The following CPPED1 variants were observed in gnomAD, a reference collection of about 807,000 sequenced individuals.
The protein encoded by CPPED1 is serine/threonine-protein phosphatase CPPED1.
A neutral mutation model predicts 28.0 loss-of-function variants in CPPED1; 28 were observed. That is an observed-to-expected ratio of 1.00 (90% CI 0.74 to 1.37). The LOEUF (loss-of-function observed/expected upper bound fraction) is 1.37. CPPED1 is among the 40% of genes most tolerant of loss of function. CPPED1 has a pLI of 0.00. For missense variants in CPPED1, 504 were observed against 416.5 expected, an observed-to-expected ratio of 1.21 and a Z score of -1.83; for synonymous variants, 198 against 180.2, an observed-to-expected ratio of 1.10 and a Z score of -0.79.
intron 2 of CPPED1, among the ~76,000 whole-genome samples, chr16:12,727,628 C>T (rs2080176822): frequency 6.6e-6 from 1 of 152,112 alleles, no homozygotes; most frequent in Admixed American, 6.5e-5. Context: ...GGATTACAGG[C>T]ATGAACCACC....
chr16:12,710,939 A>C (rs564867856), intron 2 of CPPED1, among the ~76,000 whole-genome samples: 1 of 152,356 alleles, frequency 6.6e-6, no homozygotes, highest in Non-Finnish European at 1.5e-5. Flanking sequence ...TGGCTCCCCC[A>C]AAAATTAAAC....
chr16:12,694,123 T>C (rs1014311815), intron 3 of CPPED1, among the ~76,000 whole-genome samples: 3 of 152,102 alleles, frequency 2.0e-5, no homozygotes, highest in African/African-American at 7.2e-5. Context: ...GGAGAATCAC[T>C]TGAACCTGGG....
At chr16:12,668,792 A>T (rs2079839242) in intron 3 of CPPED1, among the ~76,000 whole-genome samples, 2 of 152,282 alleles carry the variant, frequency 1.3e-5, no homozygotes, top group Non-Finnish European at 2.9e-5. Flanking sequence ...ACCACTTCAT[A>T]GCCACTCGGA....
intron 1 of CPPED1, among the ~76,000 whole-genome samples, chr16:12,784,506 G>C (rs2080551175): frequency 1.3e-5 from 2 of 151,248 alleles, no homozygotes; most frequent in African/African-American, 4.9e-5. Context: ...GGGATAAATG[G>C]TCAAGAAGTA....
chr16:12,697,785 T>C (rs2079999726), intron 3 of CPPED1, among the ~76,000 whole-genome samples: 1 of 152,140 alleles, frequency 6.6e-6, no homozygotes, highest in Non-Finnish European at 1.5e-5. Context: ...AAAGTTCTAT[T>C]GACCCCTCTA....
At chr16:12,713,803 A>G (rs1323539735) in intron 2 of CPPED1, among the ~76,000 whole-genome samples, 1 of 152,176 alleles carries the variant, frequency 6.6e-6, no homozygotes, top group Non-Finnish European at 1.5e-5. Flanking sequence ...ATAAATACAC[A>G]AACAATATAA....
At chr16:12,698,901 T>C (rs993402565) in intron 3 of CPPED1, among the ~76,000 whole-genome samples, 3 of 152,218 alleles carry the variant, frequency 2.0e-5, no homozygotes, top group African/African-American at 4.8e-5. Context: ...CCAAATTTGC[T>C]CTGGGCTCTC....
At position 12,729,096 on chromosome 16, in the gene CPPED1, G is replaced by A. The variant is rs1005316595; in HGVS notation, c.290-24047C>T. Reference sequence around the variant, plus strand: ...GCCTGTCACCATCTCTGTGCTGGAGGAAGCCCCAGAGGGAGCCCTGGGGTG... The same window carrying A: ...GCCTGTCACCATCTCTGTGCTGGAGAAAGCCCCAGAGGGAGCCCTGGGGTG... On this transcript the variant is annotated intron_variant, in intron 2 of 3. Transcript: ENST00000381774. 3.3e-5 allele frequency among the ~76,000 whole-genome samples: 5 copies of A among 152,270 alleles called. No homozygotes were observed. The South Asian group carries it at 1.0e-3, about 32-fold the overall frequency.
intron 2 of CPPED1, among the ~76,000 whole-genome samples, chr16:12,740,084 A>G (rs139361196): frequency 1.3e-5 from 2 of 150,970 alleles, no homozygotes; most frequent in African/African-American, 4.9e-5. Flanking sequence ...GAAAGGAAAG[A>G]AAGGAAAGGA....
intron 2 of CPPED1, among the ~76,000 whole-genome samples, chr16:12,711,428 A>G (rs999245443): frequency 5.9e-5 from 9 of 152,224 alleles, no homozygotes; most frequent in Non-Finnish European, 1.0e-4. Context: ...TTGCACAACA[A>G]ATAGGAATAT....
At chr16:12,777,677 T>G (rs2080505325) in intron 2 of CPPED1, among the ~76,000 whole-genome samples, 1 of 152,202 alleles carries the variant, frequency 6.6e-6, no homozygotes, top group African/African-American at 2.4e-5. Context: ...CACCAAGGAC[T>G]CCTCTTCCCA....
chr16:12,675,894 T>A (rs1182380224), intron 3 of CPPED1, among the ~76,000 whole-genome samples: 1 of 152,180 alleles, frequency 6.6e-6, no homozygotes, highest in East Asian at 1.9e-4. Flanking sequence ...AAAGTAGGTA[T>A]AAATAATCCC....
chr16:12,758,493 C>T (rs186714451), intron 2 of CPPED1, among the ~76,000 whole-genome samples: 145 of 152,294 alleles, frequency 9.5e-4, no homozygotes, highest in Middle Eastern at 3.4e-3. Flanking sequence ...ATACAAGAAA[C>T]GCCATCACTC....
At chr16:12,730,882 A>G (rs1341735258) in intron 2 of CPPED1, among the ~76,000 whole-genome samples, 2 of 152,166 alleles carry the variant, frequency 1.3e-5, no homozygotes, top group Non-Finnish European at 2.9e-5. Flanking sequence ...TTTACTTCAC[A>G]TTACCCGCAT....
rs1441478403 is a variant in CPPED1 at position 12,682,700 on chromosome 16, G to A, written c.716-17585C>T. The stretch of plus-strand genomic sequence containing the variant: ...CAGGAAGCTGCGTGTCTTGTACTCA[G>A]GCAGCACTCAATAATTATACTTTCC... On this transcript the variant is annotated intron_variant, in intron 3 of 3. Coordinates refer to ENST00000381774, the MANE Select transcript of CPPED1 (RefSeq NM_018340.3). The surrounding 1 kb of genome is among the most constrained non-coding windows in gnomAD (Gnocchi z 6.1). Among the ~76,000 whole-genome samples, 1 of 152,242 alleles carries A rather than the reference G, an allele frequency of 6.6e-6. No individual in the cohort carries two copies. Among genetic ancestry groups the A allele is most frequent in the Admixed American group, 6.5e-5 (1 of 15,290 alleles).
intron 2 of CPPED1, among the ~76,000 whole-genome samples, chr16:12,773,551 C>T (rs1446208044): frequency 2.0e-5 from 3 of 152,008 alleles, no homozygotes; most frequent in South Asian, 2.1e-4. Context: ...GGTGAAACCC[C>T]GTCTCTACTA....
At chr16:12,783,979 TG>T (rs200447383) in intron 1 of CPPED1, among the ~76,000 whole-genome samples, 5,492 of 152,270 alleles carry the variant, frequency 0.036, 321 homozygotes, top group African/African-American at 0.13. Flanking sequence ...GACTCTAAGA[TG>T]CCCCCCAAAT....
At chr16:12,697,401 A>C (rs922834650) in intron 3 of CPPED1, among the ~76,000 whole-genome samples, 2 of 145,242 alleles carry the variant, frequency 1.4e-5, no homozygotes, top group African/African-American at 5.2e-5. Flanking sequence ...CCTGGTCTTC[A>C]GGGGAACATG....
intron 1 of CPPED1, among the ~76,000 whole-genome samples, chr16:12,789,805 C>T (rs372959045): frequency 6.6e-6 from 1 of 152,070 alleles, no homozygotes; most frequent in Non-Finnish European, 1.5e-5. Flanking sequence ...AGGATTACAG[C>T]CATGAGCCAC....
Sources: allele counts gnomAD v4.1 joint callset (sites outside exome capture counted in the v4.1 genomes callset), GRCh38; gene constraint gnomAD v4.1.1; non-coding constraint Gnocchi (gnomAD v3.1); transcripts MANE v1.5; gene names NCBI Gene and HGNC (gene_info 2026-07-23, HGNC 2026-07-21).